Variants in AXL observed in about 807,000 individuals in gnomAD.
AXL encodes tyrosine-protein kinase receptor UFO.
AXL carries 52 observed loss-of-function variants against 104.5 expected under a neutral mutation model. The ratio of observed to expected loss-of-function variants is 0.50; its 90% confidence interval spans 0.40 to 0.63. AXL has a LOEUF of 0.63. Ranked by LOEUF, AXL falls within the 20% of genes least tolerant of loss-of-function variation. The pLI is 0.00. For missense variants in AXL, 1,024 were observed against 1,188.5 expected, an observed-to-expected ratio of 0.86 and a Z score of 2.04; for synonymous variants, 455 against 473.7, an observed-to-expected ratio of 0.96 and a Z score of 0.51.
intron 6 of AXL, among the ~76,000 whole-genome samples, chr19:41,235,796 C>G (rs151008554): frequency 1.4e-4 from 21 of 152,162 alleles, no homozygotes; most frequent in African/African-American, 5.1e-4. Context: ...TAATGCTTAC[C>G]ACAGGACAAC....
rs912448495 is a variant in AXL at position 41,220,242 on chromosome 19, CTCCCCCCACCACCACCCT to C, written c.86-392_86-375del. On this transcript the variant is annotated intron_variant, in intron 1 of 19. Coordinates refer to ENST00000301178, the MANE Select transcript of AXL (RefSeq NM_021913.5). Reference sequence around the variant, plus strand: ...CTTCTCCCTCCGCCACCACCCTTATCTCCCCCCACCACCACCCTTATCTCTCTCCCCCAACCCCTGATT... The same window carrying C: ...CTTCTCCCTCCGCCACCACCCTTATCTATCTCTCTCCCCCAACCCCTGATT... Among the ~76,000 whole-genome samples the C allele has an allele frequency of 1.1e-3, 119 of 104,150 alleles. 1 individual carries two copies. The highest frequency in any genetic ancestry group is 4.9e-3 in the African/African-American group (114 of 23,408). 68.3% of individuals were successfully genotyped at this position (104,150 alleles called of 152,430 possible).
chr19:41,240,479 G>A (rs1030305767), intron 10 of AXL, among the ~76,000 whole-genome samples: 1 of 152,068 alleles, frequency 6.6e-6, no homozygotes, highest in Non-Finnish European at 1.5e-5. Flanking sequence ...TAGAAAGGTG[G>A]ATGGATGGAT....
In AXL at chr19:41,231,287, T is replaced by G. The variant is rs770739757; in HGVS notation, c.772T>G (p.Cys258Gly). Reference sequence around the variant, plus strand: ...GAGCGGCATCTACCCCCTGACCCACTGCACCCTGCAGGTGAGACTCCCAAA... The same window carrying G: ...GAGCGGCATCTACCCCCTGACCCACGGCACCCTGCAGGTGAGACTCCCAAA... ...GLSGIYPLTHCTLQAVLSDDG... is the reference protein window; with the variant it reads ...GLSGIYPLTHGTLQAVLSDDG... The change falls in exon 6 of 20, where the codon TGC becomes GGC. Residue 258 changes from cysteine (C) to glycine (G), a missense_variant. Transcript: ENST00000301178. 6.2e-7 allele frequency: 1 copy of G among 1,613,370 alleles called. No homozygotes were observed. Among genetic ancestry groups the G allele is most frequent in the Non-Finnish European group, 8.5e-7 (1 of 1,179,540 alleles).
intron 16 of AXL, 22 bp from the exon 17 acceptor site, chr19:41,253,577 C>A (rs904586534): frequency 6.3e-7 from 1 of 1,577,680 alleles, no homozygotes; most frequent in African/African-American, 1.3e-5. Context: ...GACCTCTCCT[C>A]CCACCTGCCT....
intron 14 of AXL, 26 bp downstream of exon 14, chr19:41,248,846 C>T (rs1165880525): frequency 1.3e-6 from 2 of 1,567,382 alleles, no homozygotes; most frequent in Non-Finnish European, 1.7e-6. Context: ...ATGTGTAGGA[C>T]CCCCAGCTCC....
At chr19:41,238,187 T>G (rs753842554) in intron 7 of AXL, 33 bp downstream of exon 7, 1 of 1,605,560 alleles carries the variant, frequency 6.2e-7, no homozygotes, top group African/African-American at 1.3e-5. Context: ...ACGTCACCAC[T>G]GCCCCACCGG....
At chr19:41,221,336 C>G in intron 3 of AXL, 90 bp downstream of exon 3, 1 of 1,066,156 alleles carries the variant, frequency 9.4e-7, no homozygotes, top group Admixed American at 2.3e-5. Context: ...GGGTCAAGGT[C>G]AAAGGGTGCT....
intron 17 of AXL, 26 bp downstream of exon 17, chr19:41,253,734 C>T (rs373717961): frequency 9.8e-6 from 15 of 1,534,944 alleles, no homozygotes; most frequent in Middle Eastern, 1.7e-4. Flanking sequence ...GGACCCCCCC[C>T]CCCCAACTGC....
chr19:41,253,747 C>T (rs2122281267), intron 17 of AXL, 39 bp downstream of exon 17: 3 of 1,492,398 alleles, frequency 2.0e-6, no homozygotes, highest in Non-Finnish European at 2.8e-6. Flanking sequence ...CCAACTGCTC[C>T]TGCACTCCCT....
chr19:41,256,376 T>C, intron 17 of AXL, 76 bp from the exon 18 acceptor site: 1 of 1,541,612 alleles, frequency 6.5e-7, no homozygotes, highest in Non-Finnish European at 8.9e-7. Flanking sequence ...GGTGCAGATG[T>C]GTCTGAGAGC....
intron 12 of AXL, among the ~76,000 whole-genome samples, chr19:41,248,263 C>T (rs1465951051): frequency 6.6e-6 from 1 of 152,228 alleles, no homozygotes; most frequent in East Asian, 1.9e-4. Context: ...AGGGCACTGA[C>T]CCATCAGGGT....
Position 41,220,467 on chromosome 19 carries a change from CCT to C in AXL, c.86-165_86-164del. The stretch of plus-strand genomic sequence containing the variant: ...AGTCCCTTGGGAGGGCTCCCGTCCT[CCT>C]CTCAGAGCCTCCGCCCTCCACCCCA... On this transcript the variant is annotated intron_variant, in intron 1 of 19. Coordinates refer to ENST00000301178, the MANE Select transcript of AXL (RefSeq NM_021913.5). 4 of 613,808 alleles carry C rather than the reference CCT, an allele frequency of 6.5e-6. No homozygotes were observed. The South Asian group carries it at 7.9e-5, about 12-fold the overall frequency. 38.0% of individuals were successfully genotyped at this position (613,808 alleles called of 1,614,324 possible).
At chr19:41,253,495 G>A in intron 16 of AXL, 104 bp from the exon 17 acceptor site, 1 of 860,348 alleles carries the variant, frequency 1.2e-6, no homozygotes, top group South Asian at 1.5e-5. Context: ...AGGGCCATGG[G>A]AAACCACTGC....
chr19:41,251,301 C>G (rs911747287), intron 14 of AXL, among the ~76,000 whole-genome samples: 1 of 152,072 alleles, frequency 6.6e-6, no homozygotes, highest in Non-Finnish European at 1.5e-5. Context: ...GTGGCTCACA[C>G]TTGAAATCCT....
chr19:41,252,319 C>T (rs1323084621), intron 14 of AXL, 32 bp from the exon 15 acceptor site: 1 of 1,595,092 alleles, frequency 6.3e-7, no homozygotes, highest in Non-Finnish European at 8.6e-7. Context: ...CTCTCCTCCC[C>T]TCCTCCTCAC....
rs1181425989 is a variant in AXL, at chr19:41,245,384, CCATGCAAGGTCT to C, written c.1537+1680_1537+1691del. 1.1e-4 allele frequency among the ~76,000 whole-genome samples: 16 copies of C among 152,306 alleles called. No individual in the cohort carries two copies. The East Asian group carries it at 2.1e-3, about 20-fold the overall frequency. On this transcript the variant is annotated intron_variant, in intron 12 of 19. Coordinates refer to ENST00000301178, the MANE Select transcript of AXL (RefSeq NM_021913.5). The stretch of plus-strand genomic sequence containing the variant: ...GACTCTCCATTAGAAGGCTGGAAAG[CCATGCAAGGTCT>C]CAGCCGAGGAGGGGATCTCAGAGGC...
intron 6 of AXL, among the ~76,000 whole-genome samples, chr19:41,233,283 CTG>C (rs2034024151): frequency 6.6e-6 from 1 of 152,052 alleles, no homozygotes; most frequent in African/African-American, 2.4e-5. Context: ...AGGCACCGCG[CTG>C]GGCCCTGAGA....
chr19:41,239,532 C>T (rs1451007949), intron 9 of AXL, among the ~76,000 whole-genome samples, 162 bp from the exon 10 acceptor site: 1 of 151,846 alleles, frequency 6.6e-6, no homozygotes, highest in Non-Finnish European at 1.5e-5. Context: ...CACTCCCTTA[C>T]CCGTGCCACA....
chr19:41,252,043 G>A (rs1401117325), intron 14 of AXL, among the ~76,000 whole-genome samples: 1 of 149,990 alleles, frequency 6.7e-6, no homozygotes, highest in Non-Finnish European at 1.5e-5. Context: ...AACCCGAGAG[G>A]CGGAGGTTGC....
Sources: gnomAD v4.1 joint callset for allele counts (sites outside exome capture counted in the v4.1 genomes callset) on GRCh38, gnomAD v4.1.1 for gene constraint, MANE v1.5 for transcripts, NCBI Gene and HGNC (gene_info 2026-07-23, HGNC 2026-07-21) for gene names.